Variants in SHCBP1 observed in about 807,000 individuals in gnomAD.
The protein encoded by SHCBP1 is SHC binding and spindle associated 1.
In SHCBP1, 60 loss-of-function variants were observed where a neutral mutation model predicts 75.1. The observed-to-expected ratio is 0.80, with a 90% CI of 0.65 to 0.99. The LOEUF is 0.99. Ranked by LOEUF, SHCBP1 falls within the 50% of genes least tolerant of loss-of-function variation. SHCBP1 has a pLI of 0.00. For missense variants in SHCBP1, 709 were observed against 809.4 expected, an observed-to-expected ratio of 0.88 and a Z score of 1.50; for synonymous variants, 290 against 293.2, an observed-to-expected ratio of 0.99 and a Z score of 0.11.
intron 8 of SHCBP1, among the ~76,000 whole-genome samples, chr16:46,601,539 A>G (rs566462668): frequency 3.3e-5 from 5 of 152,248 alleles, no homozygotes; most frequent in African/African-American, 4.8e-5. Flanking sequence ...TTTAACAAGC[A>G]AAGCCGCTCA....
intron 5 of SHCBP1, among the ~76,000 whole-genome samples, chr16:46,607,458 T>C (rs973304294): frequency 6.6e-6 from 1 of 152,162 alleles, no homozygotes; most frequent in Non-Finnish European, 1.5e-5. Flanking sequence ...ATTTACTATT[T>C]AAGCCAAGAG....
intron 10 of SHCBP1, among the ~76,000 whole-genome samples, chr16:46,591,553 T>A (rs919126945): frequency 1.3e-5 from 2 of 151,486 alleles, no homozygotes; most frequent in Admixed American, 6.6e-5. Flanking sequence ...AACAAACAAA[T>A]TCAGTTATAG....
At chr16:46,588,069 A>G (rs1372226915) in intron 10 of SHCBP1, among the ~76,000 whole-genome samples, 1 of 152,244 alleles carries the variant, frequency 6.6e-6, no homozygotes, top group Admixed American at 6.5e-5. Flanking sequence ...CTGAATGACA[A>G]CTGGGTACAT....
At chr16:46,617,236 C>T (rs1005181113) in intron 3 of SHCBP1, among the ~76,000 whole-genome samples, 11 of 151,976 alleles carry the variant, frequency 7.2e-5, no homozygotes, top group African/African-American at 9.7e-5. Flanking sequence ...GAGCCGAGAT[C>T]GTCCCACTGC....
At chr16:46,598,956 CTCT>C (rs1433084476) in intron 9 of SHCBP1, among the ~76,000 whole-genome samples, 1 of 152,216 alleles carries the variant, frequency 6.6e-6, no homozygotes, top group African/African-American at 2.4e-5. Context: ...TAGTTTCAAA[CTCT>C]TCTTCTACAG....
intron 9 of SHCBP1, among the ~76,000 whole-genome samples, chr16:46,598,930 A>G (rs949851607): frequency 1.1e-4 from 16 of 152,198 alleles, no homozygotes; most frequent in African/African-American, 3.6e-4. Flanking sequence ...CTTAAACCTC[A>G]TGAACCAACA....
chr16:46,600,051 G>T, intron 8 of SHCBP1, 89 bp from the exon 9 acceptor site: 1 of 1,406,342 alleles, frequency 7.1e-7, no homozygotes, highest in Non-Finnish European at 9.7e-7. Context: ...TAGTTTAAAT[G>T]ACTGCAGATG....
chr16:46,592,052 A>G (rs1458781917), intron 10 of SHCBP1, among the ~76,000 whole-genome samples: 1 of 152,062 alleles, frequency 6.6e-6, no homozygotes, highest in African/African-American at 2.4e-5. Flanking sequence ...AACCCAAAAC[A>G]AGTAAAATAA....
At chr16:46,591,959 T>A (rs1965054047) in intron 10 of SHCBP1, among the ~76,000 whole-genome samples, 1 of 152,036 alleles carries the variant, frequency 6.6e-6, no homozygotes, top group Admixed American at 6.6e-5. Flanking sequence ...AGAGCAATGC[T>A]GAGAGACAAG....
intron 4 of SHCBP1, among the ~76,000 whole-genome samples, chr16:46,609,954 ATT>A (rs77526846): frequency 7.2e-6 from 1 of 138,644 alleles, no homozygotes; most frequent in African/African-American, 2.7e-5. Flanking sequence ...TTGATATTGG[ATT>A]TTTTTTTTTT....
At chr16:46,618,005 C>T (rs1965528462) in intron 2 of SHCBP1, among the ~76,000 whole-genome samples, 200 bp downstream of exon 2, 1 of 152,142 alleles carries the variant, frequency 6.6e-6, no homozygotes, top group Admixed American at 6.5e-5. Flanking sequence ...TGGAGAAACC[C>T]CGTCTCTAGT....
intron 5 of SHCBP1, among the ~76,000 whole-genome samples, chr16:46,605,957 C>A (rs1260898836): frequency 1.8e-5 from 2 of 110,630 alleles, no homozygotes; most frequent in African/African-American, 7.0e-5. Flanking sequence ...ACTGAGTGAA[C>A]AGCTGTGAAA....
intron 4 of SHCBP1, 140 bp downstream of exon 4, chr16:46,615,806 C>T: frequency 4.5e-6 from 3 of 661,030 alleles, no homozygotes; most frequent in Non-Finnish European, 7.9e-6. Flanking sequence ...AAAGATTATC[C>T]TATCTTTGGA....
intron 5 of SHCBP1, among the ~76,000 whole-genome samples, chr16:46,604,816 G>C (rs528803251): frequency 6.6e-6 from 1 of 152,176 alleles, no homozygotes; most frequent in Non-Finnish European, 1.5e-5. Context: ...AGCTTAATAA[G>C]AAGGTGGCAG....
intron 4 of SHCBP1, among the ~76,000 whole-genome samples, 164 bp downstream of exon 4, chr16:46,615,772 ATTTTTAATTT>A (rs1398121958): frequency 6.6e-6 from 1 of 152,120 alleles, no homozygotes; most frequent in Non-Finnish European, 1.5e-5. Flanking sequence ...GATTTAAAAC[ATTTTTAATTT>A]TTTTTAATTT....
At chr16:46,600,764 G>A (rs1965221209) in intron 8 of SHCBP1, among the ~76,000 whole-genome samples, 1 of 152,242 alleles carries the variant, frequency 6.6e-6, no homozygotes, top group Non-Finnish European at 1.5e-5. Context: ...TGTAATCCCA[G>A]CACTTTGGGA....
rs182019556 is a variant in SHCBP1, at chr16:46,613,450, T to C, written c.596+2496A>G. Among the ~76,000 whole-genome samples the C allele has an allele frequency of 3.9e-5, 6 of 152,316 alleles. No individual in the cohort carries two copies. In the East Asian group the frequency reaches 9.7e-4, roughly 25 times the overall value. On this transcript the variant is annotated intron_variant, in intron 4 of 12. Coordinates refer to ENST00000303383, the MANE Select transcript of SHCBP1 (RefSeq NM_024745.5). Reference sequence around the variant, plus strand: ...AACCAGCTAACAAATCCCCGCACTGTCTGGCCCCTGCCAGCCTCTCTAATC... The same window carrying C: ...AACCAGCTAACAAATCCCCGCACTGCCTGGCCCCTGCCAGCCTCTCTAATC...
At position 46,589,707 on chromosome 16, in the gene SHCBP1, G is replaced by C. The variant is rs538254520; in HGVS notation, c.1465-5618C>G. ...AATGGAAGAACATTCCATGCTCATG[G>C]ATAGGAAGAATCAATATCATGAAAA... On this transcript the variant is annotated intron_variant, in intron 10 of 12. Coordinates refer to ENST00000303383, the MANE Select transcript of SHCBP1 (RefSeq NM_024745.5). 2.5e-4 allele frequency among the ~76,000 whole-genome samples: 38 copies of C among 152,306 alleles called. No homozygotes were observed. In the East Asian group the frequency reaches 6.9e-3, roughly 28 times the overall value.
At position 46,581,410 on chromosome 16, in the gene SHCBP1, C is replaced by T. The variant is rs916988256; in HGVS notation, c.*319G>A. ...TCTTGCATTCCCTTCCTTACTTCCT[C>T]GTCTTTGAAGTGCTAAAGGTAATTA... On this transcript the variant is annotated 3_prime_UTR_variant, in exon 13 of 13. Coordinates refer to ENST00000303383, the MANE Select transcript of SHCBP1 (RefSeq NM_024745.5). 1.9e-5 allele frequency: 5 copies of T among 268,884 alleles called. No individual in the cohort carries two copies. The highest frequency in any genetic ancestry group is 1.5e-4 in the Admixed American group (3 of 20,026). The allele number at this position is 268,884 out of a possible 1,614,324, so 16.7% of individuals were successfully genotyped here. A position where few individuals can be genotyped will look rare whatever the true frequency, so the allele number is the denominator to read the frequency against.
Sources: gnomAD v4.1 joint callset for allele counts (sites outside exome capture counted in the v4.1 genomes callset) on GRCh38, gnomAD v4.1.1 for gene constraint, MANE v1.5 for transcripts, NCBI Gene and HGNC (gene_info 2026-07-23, HGNC 2026-07-21) for gene names.